The following QTMAN variants were observed in gnomAD, a reference collection of about 807,000 sequenced individuals.
The protein encoded by QTMAN is tRNA-queuosine alpha-mannosyltransferase.
At chr2:144,167,147 G>A in the QTMAN span, among the ~76,000 whole-genome samples, 5 of 152,108 alleles carry the variant, frequency 3.3e-5, no homozygotes, top group Non-Finnish European at 5.9e-5. Context: ...CTGTGACATA[G>A]ATGTTTGATA....
chr2:144,079,184 C>T, the QTMAN span, among the ~76,000 whole-genome samples: 1 of 152,042 alleles, frequency 6.6e-6, no homozygotes. Context: ...AAAGTATTAA[C>T]GGTGACATTA....
At chr2:144,072,182 T>C in the QTMAN span, among the ~76,000 whole-genome samples, 2 of 152,214 alleles carry the variant, frequency 1.3e-5, no homozygotes, top group African/African-American at 2.4e-5. Context: ...GTATTTACTT[T>C]GCTTATGCTC....
the QTMAN span, among the ~76,000 whole-genome samples, chr2:144,303,689 A>C: frequency 6.6e-6 from 1 of 152,242 alleles, no homozygotes; most frequent in East Asian, 1.9e-4. Flanking sequence ...CATTTCCAAT[A>C]CTGGCTTTGA....
the QTMAN span, among the ~76,000 whole-genome samples, chr2:144,042,049 C>A: frequency 6.6e-6 from 1 of 152,134 alleles, no homozygotes; most frequent in Non-Finnish European, 1.5e-5. Context: ...CTTTGTCAGG[C>A]TGGCAAAAAT....
chr2:144,133,154 A>T, the QTMAN span, among the ~76,000 whole-genome samples: 1 of 47,160 alleles, frequency 2.1e-5, no homozygotes, highest in Admixed American at 3.4e-4. Context: ...TATATATAAT[A>T]TAATATAATA....
the QTMAN span, among the ~76,000 whole-genome samples, chr2:144,231,975 A>T: frequency 1.3e-5 from 2 of 151,940 alleles, no homozygotes; most frequent in Non-Finnish European, 2.9e-5. Flanking sequence ...GGATCAAGTG[A>T]AAAAAGTTTC....
the QTMAN span, among the ~76,000 whole-genome samples, chr2:144,122,350 G>C: frequency 6.6e-6 from 1 of 152,132 alleles, no homozygotes; most frequent in African/African-American, 2.4e-5. Flanking sequence ...GACATTAGAA[G>C]AAAAAGTATT....
chr2:144,161,926 T>C, the QTMAN span, among the ~76,000 whole-genome samples: 1 of 152,216 alleles, frequency 6.6e-6, no homozygotes, highest in Non-Finnish European at 1.5e-5. Flanking sequence ...TTTGCATTGA[T>C]GGACTCTTAT....
the QTMAN span, among the ~76,000 whole-genome samples, chr2:144,262,523 T>C: frequency 7.4e-6 from 1 of 135,582 alleles, no homozygotes; most frequent in Admixed American, 8.0e-5. Context: ...TGAGCTACAA[T>C]CATGCCACTG....
chr2:144,214,966 G>C, the QTMAN span, among the ~76,000 whole-genome samples: 1 of 152,020 alleles, frequency 6.6e-6, no homozygotes, highest in Non-Finnish European at 1.5e-5. Flanking sequence ...GTCATGGCTG[G>C]GTGCACTGGC....
chr2:144,061,532 T>G, the QTMAN span, among the ~76,000 whole-genome samples: 1 of 152,184 alleles, frequency 6.6e-6, no homozygotes, highest in East Asian at 1.9e-4. Flanking sequence ...GATAATAATA[T>G]GTAACAAAAA....
chr2:144,241,813 T>C, the QTMAN span, among the ~76,000 whole-genome samples: 1 of 151,798 alleles, frequency 6.6e-6, no homozygotes, highest in African/African-American at 2.4e-5. Flanking sequence ...GTACTTAGCA[T>C]TCTACCACAT....
At chr2:144,252,951 C>T in the QTMAN span, among the ~76,000 whole-genome samples, 9 of 152,234 alleles carry the variant, frequency 5.9e-5, no homozygotes, top group East Asian at 3.9e-4. Context: ...CAAAAAGACA[C>T]GGAGAAATGA....
chr2:144,023,996 C>T, the QTMAN span, among the ~76,000 whole-genome samples: 1 of 152,134 alleles, frequency 6.6e-6, no homozygotes, highest in Non-Finnish European at 1.5e-5. Context: ...TAATGTATGC[C>T]AGGGTATAAC....
chr2:144,189,679 G>A, the QTMAN span, among the ~76,000 whole-genome samples: 1 of 152,018 alleles, frequency 6.6e-6, no homozygotes, highest in Admixed American at 6.6e-5. Context: ...GAGTCCAGCG[G>A]TGCGATCTCG....
chr2:144,085,176 A>G, the QTMAN span, among the ~76,000 whole-genome samples: 3 of 152,208 alleles, frequency 2.0e-5, no homozygotes, highest in Non-Finnish European at 4.4e-5. Context: ...CTTTCTTTGT[A>G]GTGTGAAAGC....
chr2:144,103,973 C>T, the QTMAN span, among the ~76,000 whole-genome samples: 1 of 152,050 alleles, frequency 6.6e-6, no homozygotes, highest in African/African-American at 2.4e-5. Flanking sequence ...ACCTGTAATC[C>T]CAGTGACTCA....
the QTMAN span, among the ~76,000 whole-genome samples, chr2:144,267,176 C>T: frequency 3.9e-5 from 6 of 152,046 alleles, no homozygotes; most frequent in Non-Finnish European, 5.9e-5. Context: ...TGAGAATCAC[C>T]GGCAATACCC....
At chr2:144,061,820 G>A in the QTMAN span, among the ~76,000 whole-genome samples, 13 of 152,100 alleles carry the variant, frequency 8.5e-5, no homozygotes, top group Non-Finnish European at 1.9e-4. Context: ...GAGCAGAAGA[G>A]TGGCAGAGTG....
Sources: gnomAD v4.1 joint callset for allele counts (sites outside exome capture counted in the v4.1 genomes callset) on GRCh38, gnomAD v4.1.1 for gene constraint, MANE v1.5 for transcripts, NCBI Gene and HGNC (gene_info 2026-07-23, HGNC 2026-07-21) for gene names.